The following NXPH2 variants were observed in gnomAD, a reference collection of about 807,000 sequenced individuals.
NXPH2 encodes the protein neurexophilin-2.
A neutral mutation model predicts 19.8 loss-of-function variants in NXPH2; 5 were observed. The ratio of observed to expected loss-of-function variants is 0.25; its 90% CI spans 0.13 to 0.53. The LOEUF is 0.53. NXPH2 is among the 20% of genes least tolerant of loss of function. NXPH2 has a pLI of 0.96. For missense variants in NXPH2, 289 were observed against 322.8 expected, an observed-to-expected ratio of 0.90 and a Z score of 0.80; for synonymous variants, 154 against 127.4, an observed-to-expected ratio of 1.21 and a Z score of -1.41.
At chr2:138,682,648 T>C (rs918781833) in intron 1 of NXPH2, among the ~76,000 whole-genome samples, 2 of 152,180 alleles carry the variant, frequency 1.3e-5, no homozygotes, top group Non-Finnish European at 2.9e-5. Flanking sequence ...AGATATCTTT[T>C]AATAGCTACC....
chr2:138,761,637 A>G (rs993834635), intron 1 of NXPH2, among the ~76,000 whole-genome samples: 1 of 152,198 alleles, frequency 6.6e-6, no homozygotes, highest in African/African-American at 2.4e-5. Context: ...AGCCACTTGA[A>G]GCTAATAAAG....
At chr2:138,758,044 C>T (rs920770997) in intron 1 of NXPH2, among the ~76,000 whole-genome samples, 5 of 152,030 alleles carry the variant, frequency 3.3e-5, no homozygotes, top group South Asian at 2.1e-4. Flanking sequence ...GAACCAAAGA[C>T]GAACATGTTA....
intron 1 of NXPH2, among the ~76,000 whole-genome samples, chr2:138,734,874 G>A (rs1254208913): frequency 5.9e-5 from 9 of 152,166 alleles, no homozygotes; most frequent in African/African-American, 1.9e-4. Flanking sequence ...CTGAGCTCAC[G>A]TGGCTCAGAA....
At chr2:138,760,187 G>A (rs1681988333) in intron 1 of NXPH2, among the ~76,000 whole-genome samples, 1 of 152,054 alleles carries the variant, frequency 6.6e-6, no homozygotes, top group African/African-American at 2.4e-5. Flanking sequence ...CTCTACATCA[G>A]ACAAATGTCC....
At chr2:138,678,764 G>T (rs1308169511) in intron 1 of NXPH2, among the ~76,000 whole-genome samples, 1 of 152,122 alleles carries the variant, frequency 6.6e-6, no homozygotes, top group Non-Finnish European at 1.5e-5. Flanking sequence ...TACAGAATTA[G>T]AATTACTTGC....
At chr2:138,738,753 C>T (rs747551395) in intron 1 of NXPH2, among the ~76,000 whole-genome samples, 5 of 152,160 alleles carry the variant, frequency 3.3e-5, no homozygotes, top group Admixed American at 1.3e-4. Context: ...TGAATTTGCT[C>T]CCCTTGCTCC....
intron 1 of NXPH2, among the ~76,000 whole-genome samples, chr2:138,721,032 G>A (rs1044583443): frequency 6.6e-6 from 1 of 152,166 alleles, no homozygotes; most frequent in African/African-American, 2.4e-5. Context: ...AAATACTTTT[G>A]TATTGTGAAA....
intron 1 of NXPH2, among the ~76,000 whole-genome samples, chr2:138,727,657 G>T (rs998811890): frequency 3.1e-5 from 4 of 130,450 alleles, no homozygotes; most frequent in Non-Finnish European, 6.4e-5. Flanking sequence ...TTATCGGTGC[G>T]GGGGGCGGTG....
chr2:138,683,428 A>G (rs1345882969), intron 1 of NXPH2, among the ~76,000 whole-genome samples: 2 of 152,236 alleles, frequency 1.3e-5, no homozygotes, highest in Non-Finnish European at 2.9e-5. Context: ...TAGTAATGCC[A>G]GATTATTCTA....
At chr2:138,742,143 A>G (rs1049926479) in intron 1 of NXPH2, among the ~76,000 whole-genome samples, 4 of 152,138 alleles carry the variant, frequency 2.6e-5, no homozygotes, top group African/African-American at 9.7e-5. Context: ...TTGGGCTCAG[A>G]TACAGATTGT....
chr2:138,723,356 G>A (rs1681308961), intron 1 of NXPH2, among the ~76,000 whole-genome samples: 1 of 152,188 alleles, frequency 6.6e-6, no homozygotes, highest in Non-Finnish European at 1.5e-5. Flanking sequence ...TCATGGTTGA[G>A]TGTATTTAGC....
intron 1 of NXPH2, among the ~76,000 whole-genome samples, chr2:138,702,236 C>A (rs146060783): frequency 1.7e-3 from 264 of 152,262 alleles, no homozygotes; most frequent in Non-Finnish European, 2.8e-3. Flanking sequence ...CCTGCCTCAG[C>A]CTTCTGAGGA....
At chr2:138,716,617 G>A (rs1271802875) in intron 1 of NXPH2, among the ~76,000 whole-genome samples, 1 of 152,198 alleles carries the variant, frequency 6.6e-6, no homozygotes, top group Non-Finnish European at 1.5e-5. Flanking sequence ...AGACGACTAA[G>A]ACAACAGGTA....
At chr2:138,686,088 G>T (rs1421580489) in intron 1 of NXPH2, among the ~76,000 whole-genome samples, 1 of 152,066 alleles carries the variant, frequency 6.6e-6, no homozygotes, top group Admixed American at 6.6e-5. Flanking sequence ...TATTTCCTTA[G>T]ACCACTTTGG....
At chr2:138,735,432 CA>C (rs1681524637) in intron 1 of NXPH2, among the ~76,000 whole-genome samples, 1 of 152,078 alleles carries the variant, frequency 6.6e-6, no homozygotes, top group South Asian at 2.1e-4. Flanking sequence ...GAGAGCCAAG[CA>C]AAAGAGGTTT....
intron 1 of NXPH2, 43 bp from the exon 2 acceptor site, chr2:138,671,708 C>A (rs551469157): frequency 1.3e-5 from 19 of 1,504,592 alleles, no homozygotes; most frequent in Middle Eastern, 1.8e-4. Flanking sequence ...AGGTTAGTGC[C>A]GTGACTGCGC....
chr2:138,757,315 G>A (rs752098947), intron 1 of NXPH2, among the ~76,000 whole-genome samples: 3 of 152,144 alleles, frequency 2.0e-5, no homozygotes, highest in Admixed American at 1.3e-4. Context: ...TGTAGAAGGC[G>A]TAAGGAAGAA....
chr2:138,697,568 A>G (rs185901194), intron 1 of NXPH2, among the ~76,000 whole-genome samples: 16 of 152,074 alleles, frequency 1.1e-4, no homozygotes, highest in Non-Finnish European at 1.9e-4. Context: ...AAAATAGTTT[A>G]TATACAGATT....
At chr2:138,690,515 C>G (rs576490923) in intron 1 of NXPH2, among the ~76,000 whole-genome samples, 13 of 152,108 alleles carry the variant, frequency 8.5e-5, no homozygotes, top group South Asian at 8.3e-4. Flanking sequence ...TTCTGGCTTT[C>G]CAATGCACAA....
Sources: allele counts gnomAD v4.1 joint callset (sites outside exome capture counted in the v4.1 genomes callset), GRCh38; gene constraint gnomAD v4.1.1; transcripts MANE v1.5; gene names NCBI Gene and HGNC (gene_info 2026-07-23, HGNC 2026-07-21).